CACNA2D2: variants seen among roughly 807,000 people sequenced by gnomAD.
CACNA2D2 encodes the protein calcium voltage-gated channel auxiliary subunit alpha2delta 2, also known as voltage-dependent calcium channel subunit alpha-2/delta-2.
Under a neutral mutation model 166.4 loss-of-function variants are expected in CACNA2D2, and 48 were observed. That is an observed-to-expected ratio of 0.29 (90% CI 0.23 to 0.37). CACNA2D2 has a LOEUF of 0.37. Among genes scored for constraint, CACNA2D2 ranks in the 10% least tolerant of loss-of-function variants. CACNA2D2 has a pLI of 1.00. For synonymous variants in CACNA2D2, 561 were observed against 573.7 expected (o/e 0.98, Z 0.32); for missense variants, 1,122 against 1,433.0 (o/e 0.78, Z 3.50).
chr3:50,389,111 C>T (rs1404219732), intron 4 of CACNA2D2, among the ~76,000 whole-genome samples: 1 of 152,214 alleles, frequency 6.6e-6, no homozygotes, highest in African/African-American at 2.4e-5. Context: ...TGCCCACACC[C>T]ACCACCCACC....
At chr3:50,412,633 G>C (rs1478206279) in intron 3 of CACNA2D2, among the ~76,000 whole-genome samples, 1 of 152,042 alleles carries the variant, frequency 6.6e-6, no homozygotes, top group Non-Finnish European at 1.5e-5. Flanking sequence ...GGAGAGGATA[G>C]GGGTGGGGGA....
intron 3 of CACNA2D2, among the ~76,000 whole-genome samples, chr3:50,414,092 T>TA (rs1403053377): frequency 6.6e-6 from 1 of 152,098 alleles, no homozygotes; most frequent in East Asian, 1.9e-4. Context: ...AGAAATGAGT[T>TA]AGATAGAACC....
chr3:50,421,134 C>CAG (rs1250937866), intron 3 of CACNA2D2, among the ~76,000 whole-genome samples: 1 of 152,228 alleles, frequency 6.6e-6, no homozygotes, highest in African/African-American at 2.4e-5. Context: ...GGCCAGAGCT[C>CAG]ACCTGTGAGG....
intron 1 of CACNA2D2, among the ~76,000 whole-genome samples, chr3:50,498,231 G>A (rs1369248756): frequency 6.6e-6 from 1 of 152,172 alleles, no homozygotes; most frequent in Non-Finnish European, 1.5e-5. Flanking sequence ...CCCTTGGAGA[G>A]TTCCCTAGCA....
intron 4 of CACNA2D2, among the ~76,000 whole-genome samples, chr3:50,391,248 T>G (rs929134161): frequency 6.6e-6 from 1 of 152,232 alleles, no homozygotes; most frequent in Non-Finnish European, 1.5e-5. Flanking sequence ...GAGGGCTGTC[T>G]CTTCCATTCC....
Position 50,429,592 on chromosome 3 carries a change from C to CAAA in CACNA2D2, c.405+4718_405+4720dup, listed in dbSNP as rs1160685582. On this transcript the variant is annotated intron_variant, in intron 3 of 37. Coordinates refer to ENST00000424201, the MANE Select transcript of CACNA2D2 (RefSeq NM_006030.4). The stretch of plus-strand genomic sequence containing the variant: ...TGAAACCCCATCTCTACTAAAAATA[C>CAAA]AAAAAAAAAAAAAAAAAAAAAAAAA... 5.7e-3 allele frequency among the ~76,000 whole-genome samples: 300 copies of CAAA among 52,630 alleles called. 10 individuals carry two copies. Among genetic ancestry groups the CAAA allele is most frequent in the East Asian group, 0.038 (43 of 1,118 alleles). 34.5% of individuals were successfully genotyped at this position (52,630 alleles called of 152,430 possible).
rs1048912809 is a variant in CACNA2D2, at chr3:50,364,316, C to G, written c.*350G>C. ...GAGGCCGGGTCAGCTGAGGCAGGGTCCCCCCCAACATAGGCAGCCTCCAGG... is the reference window on the plus strand; with the variant it reads ...GAGGCCGGGTCAGCTGAGGCAGGGTGCCCCCCAACATAGGCAGCCTCCAGG... On this transcript the variant is annotated 3_prime_UTR_variant, in exon 38 of 38. Transcript: ENST00000424201. 2 of 290,886 alleles carry G rather than the reference C, an allele frequency of 6.9e-6. No individual in the cohort carries two copies. The highest frequency in any genetic ancestry group is 4.4e-5 in the African/African-American group (2 of 45,488). The allele number at this position is 290,886 out of a possible 1,614,324, so 18.0% of individuals were successfully genotyped here. A position where few individuals can be genotyped will look rare whatever the true frequency, so the allele number is the denominator to read the frequency against.
chr3:50,500,798 A>G (rs1449648189), intron 1 of CACNA2D2, among the ~76,000 whole-genome samples: 3 of 116,236 alleles, frequency 2.6e-5, no homozygotes, highest in Non-Finnish European at 4.9e-5. Flanking sequence ...TCCTCCCTTC[A>G]GCAGTAACCC....
chr3:50,410,290 C>T (rs1405725610), intron 3 of CACNA2D2, among the ~76,000 whole-genome samples: 1 of 152,232 alleles, frequency 6.6e-6, no homozygotes, highest in Non-Finnish European at 1.5e-5. Context: ...GCCACTCTTG[C>T]ATAGAAAGGC....
intron 2 of CACNA2D2, among the ~76,000 whole-genome samples, chr3:50,456,074 T>C (rs1385743526): frequency 1.3e-5 from 2 of 152,122 alleles, no homozygotes; most frequent in Non-Finnish European, 2.9e-5. Flanking sequence ...CCTTTAAACC[T>C]TGTGACACCC....
intron 3 of CACNA2D2, among the ~76,000 whole-genome samples, chr3:50,396,880 AG>A (rs1489029743): frequency 6.6e-6 from 1 of 152,126 alleles, no homozygotes; most frequent in African/African-American, 2.4e-5. Context: ...GAGGAAGCAG[AG>A]GCGGTCTCTT....
intron 3 of CACNA2D2, among the ~76,000 whole-genome samples, chr3:50,403,694 G>GGATAATGTTAC (rs1394381953): frequency 2.6e-5 from 4 of 152,104 alleles, no homozygotes. Context: ...CCTTTACCAG[G>GGATAATGTTAC]CTCTGCCAAC....
At chr3:50,451,177 G>T (rs577059347) in intron 2 of CACNA2D2, among the ~76,000 whole-genome samples, 1 of 151,774 alleles carries the variant, frequency 6.6e-6, no homozygotes, top group Non-Finnish European at 1.5e-5. Flanking sequence ...CCAGGCTGGA[G>T]TGCAATGGCG....
At chr3:50,478,723 G>C (rs887864197) in intron 1 of CACNA2D2, among the ~76,000 whole-genome samples, 52 of 152,216 alleles carry the variant, frequency 3.4e-4, no homozygotes, top group African/African-American at 1.1e-3. Context: ...CTAGAAGTGT[G>C]CTGGAGTCAC....
At chr3:50,468,868 G>A (rs1709947660) in intron 2 of CACNA2D2, among the ~76,000 whole-genome samples, 1 of 131,512 alleles carries the variant, frequency 7.6e-6, no homozygotes, top group African/African-American at 3.0e-5. Flanking sequence ...TTACTCTGTT[G>A]CCCAGGGTGG....
chr3:50,412,091 G>C (rs769774400), intron 3 of CACNA2D2, among the ~76,000 whole-genome samples: 29 of 152,250 alleles, frequency 1.9e-4, no homozygotes, highest in Non-Finnish European at 3.5e-4. Flanking sequence ...CTCAGCTAGA[G>C]CAAGTGCCTA....
intron 24 of CACNA2D2, 33 bp downstream of exon 24, chr3:50,368,105 T>G: frequency 3.3e-6 from 5 of 1,505,412 alleles, no homozygotes; most frequent in Non-Finnish European, 4.6e-6. Flanking sequence ...GCCTGGGCAC[T>G]GCCCAGAGCC....
At chr3:50,428,168 A>T (rs1707891171) in intron 3 of CACNA2D2, among the ~76,000 whole-genome samples, 1 of 152,098 alleles carries the variant, frequency 6.6e-6, no homozygotes, top group Non-Finnish European at 1.5e-5. Context: ...TTTGGTCATG[A>T]CAACTGGGAG....
intron 2 of CACNA2D2, among the ~76,000 whole-genome samples, chr3:50,435,262 G>T (rs750270685): frequency 6.6e-6 from 1 of 151,956 alleles, no homozygotes; most frequent in Non-Finnish European, 1.5e-5. Flanking sequence ...GCAGATTTCT[G>T]CAAGTGTCTT....
Sources: allele counts gnomAD v4.1 joint callset (sites outside exome capture counted in the v4.1 genomes callset), GRCh38; gene constraint gnomAD v4.1.1; transcripts MANE v1.5; gene names NCBI Gene and HGNC (gene_info 2026-07-23, HGNC 2026-07-21).